Variants in SYTL4 observed in about 807,000 individuals in gnomAD.
SYTL4 encodes the protein synaptotagmin like 4, also known as synaptotagmin-like protein 4.
In SYTL4, 16 loss-of-function variants were observed where a neutral mutation model predicts 52.7. That is an observed-to-expected ratio of 0.30 (90% CI 0.21 to 0.46). The LOEUF (loss-of-function observed/expected upper bound fraction) is 0.46. SYTL4 is among the 20% of genes least tolerant of loss of function. The pLI is 1.00. For synonymous variants in SYTL4, 160 were observed against 186.6 expected, an observed-to-expected ratio of 0.86 and a Z score of 1.16; for missense variants, 423 against 519.9, an observed-to-expected ratio of 0.81 and a Z score of 1.81.
chrX:100,695,809 CAT>C (rs760524980), intron 8 of SYTL4, among the ~76,000 whole-genome samples: 34 of 112,041 alleles, frequency 3.0e-4, no homozygotes, highest in African/African-American at 1.0e-3. Flanking sequence ...AGTTAATGAA[CAT>C]ATCTTTCACT....
In SYTL4 at chrX:100,689,843, T is replaced by C. The variant is rs755300822; in HGVS notation, c.912+13A>G. The C allele has an allele frequency of 7.0e-6, 8 of 1,149,387 alleles. No individual in the cohort carries two copies. The South Asian group carries it at 1.1e-4, about 16-fold the overall frequency. 94.7% of individuals were successfully genotyped at this position (1,149,387 alleles called of 1,213,427 possible). Reference sequence around the variant, plus strand: ...TTTCATATAGTGACCAAGTAAAATATAAGGGCACCTACCATATCCACATTG... The same window carrying C: ...TTTCATATAGTGACCAAGTAAAATACAAGGGCACCTACCATATCCACATTG... On this transcript the variant is annotated intron_variant, in intron 12 of 19. Transcript: ENST00000372989.
rs1169625474 is a variant in SYTL4 at position 100,702,002 on chromosome X, C to T, written c.36G>A (p.Glu12=). ...SELLDLSFLS[E]EEKDLILSVL... The stretch of plus-strand genomic sequence containing the variant: ...CACTGAGAATCAAATCCTTTTCCTC[C>T]TCAGACAGAAAAGAAAGGTCCAGTA... Residue 12 remains glutamate, a synonymous_variant, in exon 5 of 20, where the codon GAG becomes GAA. Coordinates refer to ENST00000372989, the MANE Select transcript of SYTL4 (RefSeq NM_001370165.1). 1.7e-5 allele frequency: 20 copies of T among 1,209,680 alleles called. No individual in the cohort carries two copies. Among genetic ancestry groups the T allele is most frequent in the Non-Finnish European group, 2.0e-5 (18 of 894,149 alleles).
intron 16 of SYTL4, among the ~76,000 whole-genome samples, chrX:100,684,046 G>A (rs1012450725): frequency 3.6e-5 from 4 of 111,416 alleles, no homozygotes; most frequent in African/African-American, 1.3e-4. Context: ...GTTATACTTT[G>A]GTAATAATTT....
rs1569367977 is a variant in SYTL4 at position 100,676,082 on chromosome X, T to G, written c.1962A>C (p.Ala654=). Residue 654 remains alanine (A), a synonymous_variant, in exon 20 of 20, where the codon GCA becomes GCC. Transcript: ENST00000372989. ...AGGAACGGAGCTGCAGAGTCCCTTC[T>G]GCCCAAGACCCTGGGTACTGTCGCA... ...QKMRQYPGSW[A]EGTLQLRSSM... 12 of 1,208,871 alleles carry G rather than the reference T, an allele frequency of 9.9e-6. No homozygotes were observed. The highest frequency in any genetic ancestry group is 1.3e-5 in the Non-Finnish European group (12 of 894,958).
At chrX:100,708,224 A>G (rs1043882096) in intron 2 of SYTL4, among the ~76,000 whole-genome samples, 29 of 111,305 alleles carry the variant, frequency 2.6e-4, no homozygotes, top group Middle Eastern at 4.2e-3. Context: ...ATAATAAAAA[A>G]AATTAAAAAA....
intron 8 of SYTL4, among the ~76,000 whole-genome samples, chrX:100,696,897 C>A (rs1199731656): frequency 1.8e-5 from 2 of 110,145 alleles, no homozygotes; most frequent in African/African-American, 6.7e-5. Flanking sequence ...GAAAAAAAAA[C>A]CACACACACA....
intron 9 of SYTL4, 126 bp downstream of exon 9, chrX:100,690,982 C>T (rs2083586120): frequency 1.9e-6 from 1 of 513,079 alleles, no homozygotes; most frequent in Non-Finnish European, 3.3e-6. Flanking sequence ...ACTGAAAAGA[C>T]TTCTGTTGAG....
At chrX:100,701,801 G>T in intron 5 of SYTL4, 127 bp downstream of exon 5, 2 of 809,811 alleles carry the variant, frequency 2.5e-6, no homozygotes, top group South Asian at 4.9e-5. Flanking sequence ...AGCCCAGCGT[G>T]ACCCAATAAG....
At chrX:100,723,488 C>T (rs1300051519) in intron 2 of SYTL4, among the ~76,000 whole-genome samples, 1 of 112,060 alleles carries the variant, frequency 8.9e-6, no homozygotes, top group Non-Finnish European at 1.9e-5. Flanking sequence ...ACCTCCCAGC[C>T]GCCTCCCTTG....
intron 8 of SYTL4, among the ~76,000 whole-genome samples, chrX:100,692,538 A>G (rs1249536731): frequency 8.9e-6 from 1 of 111,864 alleles, no homozygotes; most frequent in African/African-American, 3.3e-5. Flanking sequence ...TTTTAGCTTA[A>G]TCGCCTTAAT....
chrX:100,690,906 G>A (rs1002300721), intron 9 of SYTL4, among the ~76,000 whole-genome samples: 6 of 112,595 alleles, frequency 5.3e-5, no homozygotes, highest in African/African-American at 1.9e-4. Flanking sequence ...AGATACTGGG[G>A]GAATTGACTA....
chrX:100,720,924 G>T (rs2084328070), intron 2 of SYTL4, among the ~76,000 whole-genome samples: 1 of 110,729 alleles, frequency 9.0e-6, no homozygotes, highest in African/African-American at 3.3e-5. Flanking sequence ...AAATAAATTG[G>T]AGAATAATAT....
chrX:100,688,875 C>CT (rs1319124491), intron 12 of SYTL4, among the ~76,000 whole-genome samples: 1 of 110,126 alleles, frequency 9.1e-6, no homozygotes, highest in East Asian at 2.9e-4. Flanking sequence ...TCATATCCTT[C>CT]TTTTTACATG....
At position 100,701,639 on chromosome X, in the gene SYTL4, T is replaced by C; in HGVS notation, c.145A>G (p.Lys49Glu). 1 of 1,211,617 alleles carries C rather than the reference T, an allele frequency of 8.3e-7. No homozygotes were observed. The change falls in exon 6 of 20, where the codon AAA (lysine) becomes GAA (glutamate). Residue 49 changes from lysine (K) to glutamate (E), a missense_variant. Lys to Glu is a moderately conservative substitution (Grantham distance 56, BLOSUM62 1). Transcript: ENST00000372989. ...LKNELLEIKRKGAKRGSQHYS... is the reference protein window; with the variant it reads ...LKNELLEIKREGAKRGSQHYS... ...TGTTGGCTGCCCCTCTTGGCCCCTTTCCTTTTTATCTCCAGTAACTCATTC... is the reference window on the plus strand; with the variant it reads ...TGTTGGCTGCCCCTCTTGGCCCCTTCCCTTTTTATCTCCAGTAACTCATTC...
intron 16 of SYTL4, 87 bp from the exon 17 acceptor site, chrX:100,681,422 C>A (rs898548644): frequency 3.0e-6 from 2 of 675,713 alleles, no homozygotes; most frequent in Admixed American, 6.0e-5. Flanking sequence ...AAAATTACCC[C>A]CCAAGAACAG....
intron 18 of SYTL4, 122 bp from the exon 19 acceptor site, chrX:100,678,721 A>G (rs1311999735): frequency 9.3e-6 from 5 of 540,407 alleles, no homozygotes; most frequent in Non-Finnish European, 1.6e-5. Context: ...ATCCTACTAC[A>G]CACGCCCCTC....
chrX:100,722,380 C>A (rs1392058951), intron 2 of SYTL4, among the ~76,000 whole-genome samples: 1 of 111,625 alleles, frequency 9.0e-6, no homozygotes, highest in Non-Finnish European at 1.9e-5. Flanking sequence ...TATTTCAAAC[C>A]TTCTTCAAAT....
chrX:100,696,056 C>T (rs1382164296), intron 8 of SYTL4, among the ~76,000 whole-genome samples: 2 of 111,828 alleles, frequency 1.8e-5, no homozygotes, highest in East Asian at 2.8e-4. Flanking sequence ...AGTATTCCAC[C>T]GTATAAACAA....
intron 8 of SYTL4, among the ~76,000 whole-genome samples, chrX:100,700,144 A>C (rs2083817276): frequency 9.0e-6 from 1 of 111,333 alleles, no homozygotes. Flanking sequence ...AAATTGATTC[A>C]AGGGATGGTT....
Sources: allele counts gnomAD v4.1 joint callset (sites outside exome capture counted in the v4.1 genomes callset), GRCh38; gene constraint gnomAD v4.1.1; transcripts MANE v1.5; gene names NCBI Gene and HGNC (gene_info 2026-07-23, HGNC 2026-07-21).